NOVA1: variants seen among roughly 807,000 people sequenced by gnomAD.
The protein encoded by NOVA1 is RNA-binding protein Nova-1.
A neutral mutation model predicts 38.0 loss-of-function variants in NOVA1; 7 were observed. The observed-to-expected ratio is 0.18, with a 90% CI of 0.10 to 0.35. The LOEUF is 0.35. NOVA1 is among the 10% of genes least tolerant of loss of function. The probability of loss-of-function intolerance (pLI) is 1.00; values close to 1 mark genes in which losing one functional copy is unlikely to be tolerated. For missense variants in NOVA1, 460 were observed against 616.0 expected (o/e 0.75, Z 2.68); for synonymous variants, 270 against 232.5 (o/e 1.16, Z -1.47).
intron 2 of NOVA1, among the ~76,000 whole-genome samples, chr14:26,537,534 G>C (rs140292375): frequency 6.6e-6 from 1 of 151,982 alleles, no homozygotes; most frequent in Admixed American, 6.6e-5. Context: ...GCAAAAATGA[G>C]AGACAATTGG....
intron 2 of NOVA1, among the ~76,000 whole-genome samples, chr14:26,536,276 A>C (rs2138576653): frequency 6.6e-6 from 1 of 152,188 alleles, no homozygotes; most frequent in African/African-American, 2.4e-5. Flanking sequence ...AAATAGAACG[A>C]ATAAGACCTA....
In NOVA1 at chr14:26,448,659, G is replaced by C. The variant is rs764701562; in HGVS notation, c.824C>G (p.Thr275Ser). 68 of 1,614,098 alleles carry C rather than the reference G, an allele frequency of 4.2e-5. No homozygotes were observed. The highest frequency in any genetic ancestry group is 5.5e-5 in the Non-Finnish European group (65 of 1,180,044). Residue 275 changes from threonine to serine, a missense_variant, in exon 5 of 5, where the codon ACT becomes AGT. By Grantham distance (58) the Thr-to-Ser change is moderately conservative. Coordinates refer to ENST00000539517, the MANE Select transcript of NOVA1 (RefSeq NM_002515.3). The surrounding 1 kb of genome is among the most constrained non-coding windows in gnomAD (Gnocchi z 5.3). ...TGCAGCAGTTGGTAACACTTCAGCA[G>C]TGTTTGCATAAGGAGATCCGGTTGG... ...SNPTGSPYAN[T>S]AEVLPTAAAA...
chr14:26,505,323 A>G lies in NOVA1; in HGVS notation c.281-25180T>C, dbSNP rs140532974. On this transcript the variant is annotated intron_variant, in intron 2 of 4. Coordinates refer to ENST00000539517, the MANE Select transcript of NOVA1 (RefSeq NM_002515.3). ...GGACCTCATGGGAGGTGCTTGGATC[A>G]TGGGGGCAGTTTCCCCCATGCTGTT... Among the ~76,000 whole-genome samples, 374 of 152,208 alleles carry G rather than the reference A, an allele frequency of 2.5e-3. 3 individuals are homozygous for G. The highest frequency in any genetic ancestry group is 8.6e-3 in the African/African-American group (356 of 41,540).
intron 2 of NOVA1, among the ~76,000 whole-genome samples, chr14:26,575,809 A>C (rs534743073): frequency 6.6e-6 from 1 of 152,154 alleles, no homozygotes; most frequent in African/African-American, 2.4e-5. Context: ...AATCTATAAC[A>C]ACTCATTTTT....
chr14:26,519,310 G>T (rs1042349649), intron 2 of NOVA1: 5 of 152,108 alleles, frequency 3.3e-5, no homozygotes, highest in African/African-American at 1.2e-4. Flanking sequence ...AAGTTATTGG[G>T]AGGCACTGTG....
chr14:26,564,998 T>C (rs979625324), intron 2 of NOVA1, among the ~76,000 whole-genome samples: 2 of 152,206 alleles, frequency 1.3e-5, no homozygotes, highest in Admixed American at 6.5e-5. Context: ...TTCATCACCA[T>C]GATGAGCAGT....
intron 2 of NOVA1, among the ~76,000 whole-genome samples, chr14:26,580,311 T>C (rs1342119536): frequency 6.6e-6 from 1 of 152,160 alleles, no homozygotes; most frequent in Non-Finnish European, 1.5e-5. Context: ...TTTTTAATGT[T>C]TTGTATTTGC....
intron 2 of NOVA1, among the ~76,000 whole-genome samples, chr14:26,557,928 C>T (rs535073434): frequency 2.0e-5 from 3 of 149,910 alleles, no homozygotes; most frequent in East Asian, 2.0e-4. Context: ...TATTATTTCA[C>T]GATTAAAAGA....
chr14:26,465,626 A>C (rs61990560), intron 4 of NOVA1, among the ~76,000 whole-genome samples: 6,261 of 152,260 alleles, frequency 0.041, 189 homozygotes, highest in South Asian at 0.097. Flanking sequence ...TCATTCAACT[A>C]TAAGTATTCT....
chr14:26,470,255 T>G, intron 4 of NOVA1: 1 of 1,232,582 alleles, frequency 8.1e-7, no homozygotes, highest in South Asian at 1.6e-5. Flanking sequence ...TAAGTCAGTA[T>G]AGCAAAGCTA....
At chr14:26,575,339 T>C (rs1322812243) in intron 2 of NOVA1, among the ~76,000 whole-genome samples, 2 of 152,154 alleles carry the variant, frequency 1.3e-5, no homozygotes, top group Non-Finnish European at 2.9e-5. Context: ...ATCAGTTATG[T>C]GAAAATATAA....
intron 2 of NOVA1, among the ~76,000 whole-genome samples, chr14:26,536,614 A>C (rs1055548169): frequency 6.6e-6 from 1 of 152,106 alleles, no homozygotes; most frequent in Non-Finnish European, 1.5e-5. Flanking sequence ...CCCAAATCTT[A>C]AATTCTATAT....
In NOVA1 at chr14:26,444,470, G is replaced by GT. The variant is rs1451412680; in HGVS notation, c.*3488_*3489insA. ...CTGTGCAGGTAGGCTTGTGCATGGT[G>GT]GTGTGGCAATATCATTTTAAAAGTT... On this transcript the variant is annotated 3_prime_UTR_variant, in exon 5 of 5. Coordinates refer to ENST00000539517, the MANE Select transcript of NOVA1 (RefSeq NM_002515.3). 1 of 152,108 alleles carries GT rather than the reference G, an allele frequency of 6.6e-6. No individual in the cohort carries two copies. Among genetic ancestry groups the GT allele is most frequent in the Non-Finnish European group, 1.5e-5 (1 of 68,016 alleles). The allele number at this position is 152,108 out of a possible 1,614,324, so 9.4% of individuals were successfully genotyped here.
intron 2 of NOVA1, among the ~76,000 whole-genome samples, chr14:26,580,292 A>C (rs1261252562): frequency 6.6e-6 from 1 of 152,128 alleles, no homozygotes; most frequent in African/African-American, 2.4e-5. Context: ...TTAAGACTCT[A>C]ATCAATGATT....
At chr14:26,552,614 C>A (rs1891229496) in intron 2 of NOVA1, among the ~76,000 whole-genome samples, 2 of 151,872 alleles carry the variant, frequency 1.3e-5, no homozygotes, top group Non-Finnish European at 2.9e-5. Context: ...TCCTATGGGT[C>A]AGGAACTATT....
intron 3 of NOVA1, among the ~76,000 whole-genome samples, chr14:26,476,597 C>T (rs1255609089): frequency 6.6e-6 from 1 of 152,138 alleles, no homozygotes. Context: ...CTTTCTTCTA[C>T]TCTAATTAGG....
At chr14:26,587,320 A>C (rs562355611) in intron 2 of NOVA1, among the ~76,000 whole-genome samples, 59 of 150,420 alleles carry the variant, frequency 3.9e-4, no homozygotes, top group Non-Finnish European at 7.6e-4. Flanking sequence ...AAAAAAAAAA[A>C]AAACAAAAAT....
intron 2 of NOVA1, among the ~76,000 whole-genome samples, chr14:26,506,125 T>C (rs910032635): frequency 6.6e-6 from 1 of 152,182 alleles, no homozygotes; most frequent in African/African-American, 2.4e-5. Context: ...ATATAGTAAT[T>C]AGAGCCTTCT....
Position 26,537,184 on chromosome 14 carries a change from A to T in NOVA1, c.281-57041T>A, listed in dbSNP as rs1169678594. ...TAAATATATCAAATGCCTAAGATGAAATAGTGTAGAAATTTTTAAAATCAT... is the reference window on the plus strand; with the variant it reads ...TAAATATATCAAATGCCTAAGATGATATAGTGTAGAAATTTTTAAAATCAT... On this transcript the variant is annotated intron_variant, in intron 2 of 4. Coordinates refer to ENST00000539517, the MANE Select transcript of NOVA1 (RefSeq NM_002515.3). Among the ~76,000 whole-genome samples, 5 of 152,094 alleles carry T rather than the reference A, an allele frequency of 3.3e-5. 1 individual carries two copies. The highest frequency in any genetic ancestry group is 7.4e-5 in the Non-Finnish European group (5 of 67,956).
Sources: gnomAD v4.1 joint callset for allele counts (sites outside exome capture counted in the v4.1 genomes callset) on GRCh38, gnomAD v4.1.1 for gene constraint, Gnocchi (gnomAD v3.1) non-coding constraint, MANE v1.5 for transcripts, NCBI Gene and HGNC (gene_info 2026-07-23, HGNC 2026-07-21) for gene names.